Variants in PDZRN4 observed in about 807,000 individuals in gnomAD.
PDZRN4 encodes the protein PDZ domain-containing RING finger protein 4.
PDZRN4 carries 70 observed loss-of-function variants against 99.0 expected under a neutral mutation model. The observed-to-expected ratio is 0.71, with a 90% CI of 0.58 to 0.86. The LOEUF (loss-of-function observed/expected upper bound fraction) is 0.86. Ranked by LOEUF, PDZRN4 falls within the 40% of genes least tolerant of loss-of-function variation. The pLI is 0.00. For missense variants in PDZRN4, 1,474 were observed against 1,331.2 expected (o/e 1.11, Z -1.67); for synonymous variants, 551 against 501.6 (o/e 1.10, Z -1.32).
At chr12:41,541,483 C>G (rs1308121332) in intron 5 of PDZRN4, among the ~76,000 whole-genome samples, 1 of 145,372 alleles carries the variant, frequency 6.9e-6, no homozygotes, top group Non-Finnish European at 1.5e-5. Context: ...GAGTCTTGCT[C>G]TGTCGCCCAG....
chr12:41,551,214 A>T (rs986437745), intron 5 of PDZRN4, among the ~76,000 whole-genome samples: 3 of 152,030 alleles, frequency 2.0e-5, no homozygotes, highest in African/African-American at 4.8e-5. Flanking sequence ...CTGTCCTTAC[A>T]TGGTGGAAGA....
chr12:41,537,843 C>T (rs1938776152), intron 5 of PDZRN4, among the ~76,000 whole-genome samples: 2 of 152,076 alleles, frequency 1.3e-5, no homozygotes. Flanking sequence ...AGGTCATTAA[C>T]CAGCTTAGGA....
At chr12:41,410,361 G>A (rs1189201998) in intron 3 of PDZRN4, among the ~76,000 whole-genome samples, 3 of 152,090 alleles carry the variant, frequency 2.0e-5, no homozygotes, top group Non-Finnish European at 2.9e-5. Flanking sequence ...ATACGTACAC[G>A]TAAAATAATT....
At chr12:41,377,925 C>T (rs990997501) in intron 3 of PDZRN4, among the ~76,000 whole-genome samples, 1 of 152,058 alleles carries the variant, frequency 6.6e-6, no homozygotes, top group Non-Finnish European at 1.5e-5. Flanking sequence ...ATATTATATG[C>T]AAATAGAGAT....
intron 3 of PDZRN4, among the ~76,000 whole-genome samples, chr12:41,332,772 G>A (rs750758096): frequency 1.4e-5 from 2 of 147,110 alleles, no homozygotes; most frequent in Non-Finnish European, 3.0e-5. Context: ...AAAAGATCTG[G>A]AAGTGACAAT....
At chr12:41,487,888 G>A (rs1316930761) in intron 3 of PDZRN4, among the ~76,000 whole-genome samples, 3 of 152,208 alleles carry the variant, frequency 2.0e-5, no homozygotes, top group East Asian at 3.9e-4. Flanking sequence ...TTCTTCATTC[G>A]GTAAACATAG....
intron 6 of PDZRN4, among the ~76,000 whole-genome samples, chr12:41,554,214 A>G (rs1033911644): frequency 1.3e-5 from 2 of 152,198 alleles, no homozygotes; most frequent in African/African-American, 2.4e-5. Context: ...GGAAGGTAGA[A>G]GTTTAATATT....
intron 3 of PDZRN4, among the ~76,000 whole-genome samples, chr12:41,217,820 G>C (rs1324905541): frequency 6.6e-6 from 1 of 151,962 alleles, no homozygotes; most frequent in Non-Finnish European, 1.5e-5. Context: ...CTGTTTCCCA[G>C]TTTGCAGAGT....
intron 3 of PDZRN4, among the ~76,000 whole-genome samples, chr12:41,230,705 T>G (rs1458078745): frequency 6.6e-6 from 1 of 152,060 alleles, no homozygotes; most frequent in Non-Finnish European, 1.5e-5. Context: ...CACTTGAAAA[T>G]TTTTCGTCTT....
chr12:41,271,791 A>G (rs1951315877), intron 3 of PDZRN4, among the ~76,000 whole-genome samples: 2 of 152,130 alleles, frequency 1.3e-5, no homozygotes, highest in South Asian at 4.1e-4. Context: ...TTAGTAAGCA[A>G]AAGCTTCCCT....
In PDZRN4 at chr12:41,574,273, C is replaced by T. The variant is rs1481228035; in HGVS notation, c.*383C>T. On this transcript the variant is annotated 3_prime_UTR_variant, in exon 10 of 10. Transcript: ENST00000402685. ...CTTATTTTCTACTTTAATAATAACT[C>T]AATGCCAAAATATTTCTATGCTTGT... The T allele has an allele frequency of 1.3e-5, 2 of 156,396 alleles. No homozygotes were observed. Among genetic ancestry groups the T allele is most frequent in the African/African-American group, 2.4e-5 (1 of 41,572 alleles). The allele number at this position is 156,396 out of a possible 1,614,324, so 9.7% of individuals were successfully genotyped here. A position where few individuals can be genotyped will look rare whatever the true frequency, so the allele number is the denominator to read the frequency against.
intron 3 of PDZRN4, among the ~76,000 whole-genome samples, chr12:41,475,185 T>A (rs1374606335): frequency 6.6e-6 from 1 of 152,180 alleles, no homozygotes; most frequent in African/African-American, 2.4e-5. Context: ...AGATGCTCAA[T>A]AAATATGATT....
At chr12:41,397,123 G>T (rs957117842) in intron 3 of PDZRN4, among the ~76,000 whole-genome samples, 1 of 152,080 alleles carries the variant, frequency 6.6e-6, no homozygotes, top group Non-Finnish European at 1.5e-5. Context: ...AGCAATAAAT[G>T]CTTAATTGTT....
At chr12:41,458,283 G>T (rs1335626050) in intron 3 of PDZRN4, among the ~76,000 whole-genome samples, 1 of 152,112 alleles carries the variant, frequency 6.6e-6, no homozygotes, top group Non-Finnish European at 1.5e-5. Context: ...TCAGCCTCCT[G>T]AGTAGCTGGG....
rs1418098563 is a variant in PDZRN4 at position 41,188,965 on chromosome 12, C to T, written c.510C>T (p.Arg170=). 14 of 1,465,174 alleles carry T rather than the reference C, an allele frequency of 9.6e-6. No individual in the cohort carries two copies. The East Asian group carries it at 4.1e-4, about 43-fold the overall frequency. The allele number at this position is 1,465,174 out of a possible 1,614,324, so 90.8% of individuals were successfully genotyped here. A position where few individuals can be genotyped will look rare whatever the true frequency, so the allele number is the denominator to read the frequency against. Residue 170 remains arginine, a synonymous_variant, in exon 1 of 10, where the codon CGC becomes CGT. Coordinates refer to ENST00000402685, the MANE Select transcript of PDZRN4 (RefSeq NM_001164595.2). ...PGPRVLAWRR[R]EKALLAQLWA... ...CTCGGGTCCTCGCCTGGAGGCGGCG[C>T]GAGAAGGCGCTGCTGGCGCAGCTCT...
intron 3 of PDZRN4, among the ~76,000 whole-genome samples, chr12:41,254,121 T>C (rs1290188368): frequency 6.6e-6 from 1 of 151,960 alleles, no homozygotes; most frequent in African/African-American, 2.4e-5. Context: ...GTAAATTAAA[T>C]ATGTGTATTT....
chr12:41,472,817 C>A (rs993773074), intron 3 of PDZRN4, among the ~76,000 whole-genome samples: 3 of 152,150 alleles, frequency 2.0e-5, no homozygotes, highest in African/African-American at 7.2e-5. Flanking sequence ...ATAGGCATTG[C>A]CCTGCTAACT....
At chr12:41,351,840 T>G (rs1951892230) in intron 3 of PDZRN4, among the ~76,000 whole-genome samples, 1 of 151,992 alleles carries the variant, frequency 6.6e-6, no homozygotes, top group African/African-American at 2.4e-5. Flanking sequence ...AGGAGAAGTA[T>G]TTTTAAAAAT....
chr12:41,430,391 C>T (rs562872752), intron 3 of PDZRN4, among the ~76,000 whole-genome samples: 80 of 151,866 alleles, frequency 5.3e-4, no homozygotes, highest in African/African-American at 1.8e-3. Context: ...ATTACTTGAA[C>T]CCAGGAGGCA....
Sources: allele counts gnomAD v4.1 joint callset (sites outside exome capture counted in the v4.1 genomes callset), GRCh38; gene constraint gnomAD v4.1.1; transcripts MANE v1.5; gene names NCBI Gene and HGNC (gene_info 2026-07-23, HGNC 2026-07-21).